Variants in CPOX observed in about 807,000 individuals in gnomAD.
CPOX encodes coproporphyrinogen oxidase, also known as oxygen-dependent coproporphyrinogen-III oxidase, mitochondrial.
CPOX carries 24 observed loss-of-function variants against 48.9 expected under a neutral mutation model. The observed-to-expected ratio is 0.49, with a 90% CI of 0.36 to 0.69. CPOX has a LOEUF of 0.69. Among genes scored for constraint, CPOX ranks in the 30% least tolerant of loss-of-function variants. The pLI, the probability that CPOX is intolerant of heterozygous loss-of-function variation, is 0.00. For synonymous variants in CPOX, 249 were observed against 234.6 expected (o/e 1.06, Z -0.56); for missense variants, 549 against 597.3 (o/e 0.92, Z 0.84).
chr3:98,576,246 TG>T (rs1237312365), downstream of CPOX, among the ~76,000 whole-genome samples: 8 of 152,156 alleles, frequency 5.3e-5, no homozygotes, highest in Non-Finnish European at 1.2e-4. Flanking sequence ...CTTACAATCA[TG>T]GCAGAAGGCA....
At position 98,593,479 on chromosome 3, in the gene CPOX, C is replaced by T; in HGVS notation, c.26G>A (p.Ser9Asn). Residue 9 changes from serine to asparagine, a missense_variant, in exon 1 of 7, where the codon AGC becomes AAC. Coordinates refer to ENST00000647941, the MANE Select transcript of CPOX (RefSeq NM_000097.7). MALQLGRLSSGPCWLVARG... is the reference protein window; with the variant it reads MALQLGRLNSGPCWLVARG... The stretch of plus-strand genomic sequence containing the variant: ...CGCCACGAGCCAGCAGGGGCCCGAG[C>T]TCAGCCTGCCCAGCTGCAAGGCCAT... The T allele has an allele frequency of 6.6e-7, 1 of 1,515,804 alleles. No homozygotes were observed. The highest frequency in any genetic ancestry group is 8.8e-7 in the Non-Finnish European group (1 of 1,138,576). 93.9% of individuals were successfully genotyped at this position (1,515,804 alleles called of 1,614,324 possible). A position where few individuals can be genotyped will look rare whatever the true frequency, so the allele number is the denominator to read the frequency against.
chr3:98,585,392 T>TC, intron 5 of CPOX, 49 bp downstream of exon 5: 1 of 1,460,852 alleles, frequency 6.8e-7, no homozygotes, highest in Middle Eastern at 2.2e-4. Context: ...TAAGAGCTGC[T>TC]CCACCTCCCC....
At chr3:98,577,905 A>G (rs1707185736), downstream of CPOX, among the ~76,000 whole-genome samples, 1 of 152,220 alleles carries the variant, frequency 6.6e-6, no homozygotes, top group Non-Finnish European at 1.5e-5. Flanking sequence ...ATAAAGAAAC[A>G]TTTGGCTTTT....
downstream of CPOX, among the ~76,000 whole-genome samples, chr3:98,579,181 C>A (rs1378734443): frequency 1.3e-5 from 2 of 152,178 alleles, no homozygotes; most frequent in Non-Finnish European, 2.9e-5. Flanking sequence ...ATAACATTTT[C>A]ATTTCTTTAG....
In CPOX at chr3:98,580,248, A is replaced by T. The variant is rs1395996583; in HGVS notation, c.*435T>A. The T allele has an allele frequency of 1.0e-6, 1 of 993,642 alleles. No homozygotes were observed. The highest frequency in any genetic ancestry group is 1.2e-6 in the Non-Finnish European group (1 of 834,510). The allele number at this position is 993,642 out of a possible 1,614,324, so 61.6% of individuals were successfully genotyped here. ...TTTTTACCTTCAAGTTGCATTCTAA[A>T]ATTACTATGAAGTCTCAACTTCACT... On this transcript the variant is annotated 3_prime_UTR_variant, in exon 7 of 7. Transcript: ENST00000647941.
rs10535616 is a variant in CPOX at position 98,591,992 on chromosome 3, GAT to G, written c.557-839_557-838del. On this transcript the variant is annotated intron_variant, in intron 1 of 6. Transcript: ENST00000647941. ...ATATATATATATATATATGTATATG[GAT>G]ATATATATATATATATGTAGTATGA... 8.6e-3 allele frequency among the ~76,000 whole-genome samples: 1,268 copies of G among 148,000 alleles called. 4 individuals carry two copies. Among genetic ancestry groups the G allele is most frequent in the Non-Finnish European group, 0.011 (737 of 67,010 alleles).
At position 98,591,170 on chromosome 3, in the gene CPOX, G is replaced by A; in HGVS notation, c.557-15C>T. On this transcript the variant is annotated splice_polypyrimidine_tract_variant and intron_variant, in intron 1 of 6. Transcript: ENST00000647941. ...GCCGCCACCTCCTGTGTATAGAAAT[G>A]TAAAAAAGGAGAGAATGTAAGAGTA... The A allele has an allele frequency of 6.2e-7, 1 of 1,614,066 alleles. No individual in the cohort carries two copies. Among genetic ancestry groups the A allele is most frequent in the Non-Finnish European group, 8.5e-7 (1 of 1,179,944 alleles).
Position 98,580,413 on chromosome 3 carries a change from G to A in CPOX, c.*270C>T. 1 of 1,256,806 alleles carries A rather than the reference G, an allele frequency of 8.0e-7. No homozygotes were observed. Among genetic ancestry groups the A allele is most frequent in the Non-Finnish European group, 1.0e-6 (1 of 990,652 alleles). 77.9% of individuals were successfully genotyped at this position (1,256,806 alleles called of 1,614,324 possible). ...TTTATATTCCCTTATCTCAATACTT[G>A]GAAACTCAATGTCCTATTTTGTAAA... is the stretch of plus-strand genomic sequence containing the variant. On this transcript the variant is annotated 3_prime_UTR_variant, in exon 7 of 7. Coordinates refer to ENST00000647941, the MANE Select transcript of CPOX (RefSeq NM_000097.7).
intron 1 of CPOX, among the ~76,000 whole-genome samples, chr3:98,591,996 T>TATATATATATATATGTATATGG (rs1559679841): frequency 9.9e-4 from 14 of 14,166 alleles, no homozygotes; most frequent in Non-Finnish European, 1.8e-3. Flanking sequence ...TATATGGATA[T>TATATATATATATATGTATATGG]ATATATATAT....
At chr3:98,587,070 G>A (rs933749631) in intron 4 of CPOX, among the ~76,000 whole-genome samples, 1 of 152,084 alleles carries the variant, frequency 6.6e-6, no homozygotes, top group Non-Finnish European at 1.5e-5. Context: ...TCCTTAAATA[G>A]AAAAACATGC....
chr3:98,576,234 A>G (rs1043887595), downstream of CPOX, among the ~76,000 whole-genome samples: 1 of 152,206 alleles, frequency 6.6e-6, no homozygotes, highest in Non-Finnish European at 1.5e-5. Context: ...GGCCTCAGGA[A>G]ACTTACAATC....
intron 5 of CPOX, among the ~76,000 whole-genome samples, chr3:98,582,430 G>A (rs536378542): frequency 4.0e-4 from 60 of 151,448 alleles, no homozygotes; most frequent in African/African-American, 1.4e-3. Context: ...TTACCTATTG[G>A]TTACTGTCTT....
At position 98,593,273 on chromosome 3, in the gene CPOX, G is replaced by A. The variant is rs1212750890; in HGVS notation, c.232C>T (p.Leu78=). 6.7e-7 allele frequency: 1 copy of A among 1,482,660 alleles called. No homozygotes were observed. The highest frequency in any genetic ancestry group is 1.4e-5 in the South Asian group (1 of 72,096). The allele number at this position is 1,482,660 out of a possible 1,614,324, so 91.8% of individuals were successfully genotyped here. A position where few individuals can be genotyped will look rare whatever the true frequency, so the allele number is the denominator to read the frequency against. Residue 78 remains leucine, a synonymous_variant, in exon 1 of 7, where the codon CTG becomes TTG. Coordinates refer to ENST00000647941, the MANE Select transcript of CPOX (RefSeq NM_000097.7). ...SRGGPWVGTG[L]AAALAGLVGL... is the part of the protein sequence containing the mutation. ...ACCAACCCCGCCAGCGCCGCGGCCA[G>A]CCCTGTCCCCACCCAGGGGCCGCCT...
intron 1 of CPOX, among the ~76,000 whole-genome samples, chr3:98,592,323 A>C (rs1001801340): frequency 1.3e-5 from 2 of 152,158 alleles, no homozygotes; most frequent in Non-Finnish European, 2.9e-5. Context: ...CATGGTCATG[A>C]ATGTACGCCT....
At position 98,593,353 on chromosome 3, in the gene CPOX, G is replaced by A; in HGVS notation, c.152C>T (p.Pro51Leu). 2 of 1,340,526 alleles carry A rather than the reference G, an allele frequency of 1.5e-6. No homozygotes were observed. Among genetic ancestry groups the A allele is most frequent in the South Asian group, 2.1e-5 (1 of 47,348 alleles). 83.0% of individuals were successfully genotyped at this position (1,340,526 alleles called of 1,614,324 possible). A position where few individuals can be genotyped will look rare whatever the true frequency, so the allele number is the denominator to read the frequency against. ...GCTCTGCTCCGTGCCAGCCGGGCCA[G>A]GGGGCCGGCAGACGCGTCCGGCTGC... ...RSAAGRVCRP[P>L]GPAGTEQSRG... Residue 51 changes from proline (P) to leucine (L), a missense_variant, in exon 1 of 7, where the codon CCT becomes CTT. Around this residue, in one of 2 missense-constraint regions of CPOX, gnomAD observed 336 missense variants for 318.1 expected, o/e 1.06. Coordinates refer to ENST00000647941, the MANE Select transcript of CPOX (RefSeq NM_000097.7).
chr3:98,581,443 A>G lies in CPOX; in HGVS notation c.1241T>C (p.Ile414Thr). ...KFGLFTPGSR[I>T]ESILMSLPLT... ...AGGTAAAGACATCAAGATACTTTCA[A>G]TTCTGGATCCTGGAGTGAAGAGGCC... The change falls in exon 6 of 7, where the codon ATT (isoleucine) becomes ACT (threonine). Residue 414 changes from isoleucine to threonine, a missense_variant. Physicochemically the swap from Ile to Thr is moderately conservative, Grantham distance 89. Transcript: ENST00000647941. The G allele has an allele frequency of 6.2e-7, 1 of 1,614,042 alleles. No individual in the cohort carries two copies. The highest frequency in any genetic ancestry group is 8.5e-7 in the Non-Finnish European group (1 of 1,179,958).
chr3:98,585,481 T>C lies in CPOX; in HGVS notation c.1132A>G (p.Thr378Ala). ...LVKKHCDDSF[T>A]PQEKLWQQLR... is the part of the protein sequence containing the mutation. ...TGCTGCCACAGCTTCTCCTGGGGGG[T>C]GAATGAGTCATCACAGTGCTTTTTC... is the stretch of plus-strand genomic sequence containing the variant. Residue 378 changes from threonine to alanine, a missense_variant, in exon 5 of 7, where the codon ACC (threonine) becomes GCC (alanine). By Grantham distance (58) the Thr-to-Ala change is moderately conservative. Coordinates refer to ENST00000647941, the MANE Select transcript of CPOX (RefSeq NM_000097.7). The C allele has an allele frequency of 1.2e-6, 2 of 1,613,828 alleles. No homozygotes were observed. The highest frequency in any genetic ancestry group is 1.7e-6 in the Non-Finnish European group (2 of 1,179,972).
intron 4 of CPOX, 168 bp from the exon 5 acceptor site, chr3:98,585,827 T>C (rs1323006235): frequency 3.0e-6 from 2 of 674,128 alleles, no homozygotes; most frequent in East Asian, 5.5e-5. Context: ...AGATAGATTT[T>C]TTGCAGATAT....
rs1259768467 is a variant in CPOX, at chr3:98,579,735, T to C, written c.*948A>G. On this transcript the variant is annotated 3_prime_UTR_variant, in exon 7 of 7. Coordinates refer to ENST00000647941, the MANE Select transcript of CPOX (RefSeq NM_000097.7). ...AATATAAAAAAGAGGACATTTTCAA[T>C]GTGTCCATTTTCCTAAGAAACGTGT... 11 of 985,288 alleles carry C rather than the reference T, an allele frequency of 1.1e-5. No homozygotes were observed. The highest frequency in any genetic ancestry group is 1.3e-5 in the Non-Finnish European group (11 of 829,622). The allele number at this position is 985,288 out of a possible 1,614,324, so 61.0% of individuals were successfully genotyped here.
Sources: gnomAD v4.1 joint callset for allele counts (sites outside exome capture counted in the v4.1 genomes callset) on GRCh38, gnomAD v4.1.1 for gene constraint, gnomAD v4.1.1 regional missense constraint, MANE v1.5 for transcripts, NCBI Gene and HGNC (gene_info 2026-07-23, HGNC 2026-07-21) for gene names.